Variants in PCDH15 observed in about 807,000 individuals in gnomAD.
PCDH15 encodes protocadherin related 15.
PCDH15 carries 129 observed loss-of-function variants against 178.5 expected under a neutral mutation model. The observed-to-expected ratio is 0.72, with a 90% CI of 0.63 to 0.84. The LOEUF is 0.84. Among genes scored for constraint, PCDH15 ranks in the 40% least tolerant of loss-of-function variants. PCDH15 has a pLI of 0.00. For synonymous variants in PCDH15, 800 were observed against 732.0 expected (o/e 1.09, Z -1.50); for missense variants, 2,230 against 2,099.9 (o/e 1.06, Z -1.21).
chr10:54,991,157 T>G (rs111231362), intron 2 of PCDH15, among the ~76,000 whole-genome samples: 47 of 152,268 alleles, frequency 3.1e-4, no homozygotes, highest in African/African-American at 9.6e-4. Flanking sequence ...TGGATACTTA[T>G]TTGTGAATAT....
At chr10:55,090,939 A>G (rs1272898839) in intron 2 of PCDH15, among the ~76,000 whole-genome samples, 5 of 151,950 alleles carry the variant, frequency 3.3e-5, no homozygotes, top group African/African-American at 1.2e-4. Context: ...GTACTTCTTT[A>G]TAGTAGAATA....
intron 2 of PCDH15, among the ~76,000 whole-genome samples, chr10:54,936,160 T>C (rs1010798783): frequency 2.0e-5 from 3 of 152,100 alleles, no homozygotes; most frequent in Admixed American, 2.0e-4. Context: ...TTTATATGAC[T>C]GGTTTCTCTC....
chr10:54,010,438 C>G (rs1431689364), intron 20 of PCDH15, among the ~76,000 whole-genome samples: 4 of 152,274 alleles, frequency 2.6e-5, no homozygotes, highest in Non-Finnish European at 5.9e-5. Context: ...AGTCCTCATT[C>G]CTGTTGCCCT....
In PCDH15 at chr10:54,229,145, C is replaced by A. The variant is rs2053786729; in HGVS notation, c.985+7678G>T. ...GAACACCAACAGAGATGGAAAAATC[C>A]CTTCCCATTCCTCTGCTAAAACAGC... On this transcript the variant is annotated intron_variant, in intron 9 of 37. Transcript: ENST00000644397. Among the ~76,000 whole-genome samples, 4 of 152,042 alleles carry A rather than the reference C, an allele frequency of 2.6e-5. No homozygotes were observed. In the South Asian group the frequency reaches 8.3e-4, roughly 32 times the overall value.
intron 1 of PCDH15, among the ~76,000 whole-genome samples, chr10:55,313,616 G>A (rs999438543): frequency 2.0e-5 from 3 of 152,100 alleles, no homozygotes; most frequent in Non-Finnish European, 4.4e-5. Flanking sequence ...TTCTATAGTG[G>A]TATTTTACTT....
chr10:55,100,756 C>G (rs1034255648), intron 2 of PCDH15, among the ~76,000 whole-genome samples: 1 of 152,090 alleles, frequency 6.6e-6, no homozygotes, highest in Admixed American at 6.6e-5. Flanking sequence ...CTCCATGACC[C>G]AAACACCTGT....
chr10:54,092,139 C>T (rs1461617843), intron 15 of PCDH15, among the ~76,000 whole-genome samples: 1 of 152,100 alleles, frequency 6.6e-6, no homozygotes, highest in African/African-American at 2.4e-5. Context: ...CCTGCAACTC[C>T]ATCCTCCTAC....
At chr10:54,790,401 A>C (rs1213594419) in intron 1 of PCDH15, among the ~76,000 whole-genome samples, 6 of 151,794 alleles carry the variant, frequency 4.0e-5, no homozygotes, top group African/African-American at 1.5e-4. Flanking sequence ...CATCTTTTAG[A>C]ACACAACAAG....
chr10:53,967,956 C>T (rs2089221048), intron 21 of PCDH15, among the ~76,000 whole-genome samples: 1 of 152,096 alleles, frequency 6.6e-6, no homozygotes, highest in Non-Finnish European at 1.5e-5. Context: ...GTGAGTGATG[C>T]AGAAGACAGG....
In PCDH15 at chr10:54,373,569, T is replaced by C. The variant is rs922340153; in HGVS notation, c.319-4294A>G. Among the ~76,000 whole-genome samples, 4 of 151,988 alleles carry C rather than the reference T, an allele frequency of 2.6e-5. No homozygotes were observed. In the East Asian group the frequency reaches 5.8e-4, roughly 22 times the overall value. ...TATGCATATGTGACATGTAGATACA[T>C]CTATAGATTTTTCACAGTGAATTAT... On this transcript the variant is annotated intron_variant, in intron 4 of 37. Transcript: ENST00000644397.
At chr10:54,306,402 T>A (rs2133366559) in intron 8 of PCDH15, among the ~76,000 whole-genome samples, 1 of 152,110 alleles carries the variant, frequency 6.6e-6, no homozygotes, top group Non-Finnish European at 1.5e-5. Context: ...CATGTGATTG[T>A]GGAGTTGGGC....
chr10:54,746,645 CAT>C (rs1194148673), intron 1 of PCDH15, among the ~76,000 whole-genome samples: 4 of 152,246 alleles, frequency 2.6e-5, no homozygotes, highest in East Asian at 3.9e-4. Context: ...TTCTATGACT[CAT>C]GTGCAAATAT....
intron 18 of PCDH15, among the ~76,000 whole-genome samples, chr10:54,049,168 G>A (rs2093715296): frequency 6.6e-6 from 1 of 152,004 alleles, no homozygotes; most frequent in Non-Finnish European, 1.5e-5. Context: ...TTGGCTCTCA[G>A]CTTGACTGTT....
At chr10:55,377,095 G>T (rs1837411041) in intron 2 of PCDH15, among the ~76,000 whole-genome samples, 1 of 150,920 alleles carries the variant, frequency 6.6e-6, no homozygotes, top group Non-Finnish European at 1.5e-5. Flanking sequence ...AATTGTGCCA[G>T]GGCTTTGAAG....
chr10:53,991,204 G>C (rs953485151), intron 21 of PCDH15, among the ~76,000 whole-genome samples: 1 of 152,168 alleles, frequency 6.6e-6, no homozygotes, highest in African/African-American at 2.4e-5. Flanking sequence ...CGGGCGCGCG[G>C]TGCGGGACTG....
intron 2 of PCDH15, among the ~76,000 whole-genome samples, chr10:55,374,686 T>C (rs1437202888): frequency 6.6e-6 from 1 of 152,024 alleles, no homozygotes; most frequent in Non-Finnish European, 1.5e-5. Flanking sequence ...ATACAGTTAC[T>C]ACCCATGAAT....
chr10:54,836,289 C>A (rs975199668), intron 3 of PCDH15, among the ~76,000 whole-genome samples: 13 of 152,084 alleles, frequency 8.5e-5, no homozygotes, highest in African/African-American at 3.1e-4. Context: ...GGAGAGCATT[C>A]CTGACTGGAG....
At chr10:54,721,751 C>G (rs536163882) in intron 1 of PCDH15, among the ~76,000 whole-genome samples, 5 of 151,680 alleles carry the variant, frequency 3.3e-5, no homozygotes, top group African/African-American at 1.2e-4. Flanking sequence ...ACAAAAAGTC[C>G]AAGAACAGAA....
intron 1 of PCDH15, among the ~76,000 whole-genome samples, chr10:54,799,356 GT>G (rs1952397667): frequency 6.6e-6 from 1 of 151,864 alleles, no homozygotes; most frequent in Non-Finnish European, 1.5e-5. Context: ...TTTTCACTGG[GT>G]TTTTTTAAAG....
Sources: gnomAD v4.1 joint callset for allele counts (sites outside exome capture counted in the v4.1 genomes callset) on GRCh38, gnomAD v4.1.1 for gene constraint, MANE v1.5 for transcripts, NCBI Gene and HGNC (gene_info 2026-07-23, HGNC 2026-07-21) for gene names.